EPHA6: variants seen among roughly 807,000 people sequenced by gnomAD.
EPHA6 encodes ephrin type-A receptor 6.
Under a neutral mutation model 112.0 loss-of-function variants are expected in EPHA6, and 50 were observed. The ratio of observed to expected loss-of-function variants is 0.45; its 90% CI spans 0.36 to 0.56. EPHA6 has a LOEUF of 0.56. EPHA6 is among the 20% of genes least tolerant of loss of function. The pLI is 0.00. For synonymous variants in EPHA6, 529 were observed against 490.7 expected (o/e 1.08, Z -1.03); for missense variants, 1,280 against 1,417.4 (o/e 0.90, Z 1.56).
At chr3:96,926,781 C>A (rs185790526) in intron 2 of EPHA6, among the ~76,000 whole-genome samples, 15 of 152,316 alleles carry the variant, frequency 9.8e-5, no homozygotes, top group Non-Finnish European at 2.1e-4. Context: ...CTTGGCTTTG[C>A]AGGGTACAGC....
At chr3:97,375,382 A>G (rs976488978) in intron 5 of EPHA6, among the ~76,000 whole-genome samples, 2 of 152,180 alleles carry the variant, frequency 1.3e-5, no homozygotes, top group Non-Finnish European at 2.9e-5. Flanking sequence ...AAACTCTGTA[A>G]CTAAATGGTA....
intron 3 of EPHA6, among the ~76,000 whole-genome samples, chr3:97,068,107 T>C (rs2046233253): frequency 7.1e-6 from 1 of 140,048 alleles, no homozygotes; most frequent in Admixed American, 7.7e-5. Context: ...GTGAGCAGAG[T>C]TCATGACACT....
intron 14 of EPHA6, among the ~76,000 whole-genome samples, chr3:97,685,169 A>G (rs2032155481): frequency 6.6e-6 from 1 of 152,210 alleles, no homozygotes; most frequent in South Asian, 2.1e-4. Context: ...CTAGACTACT[A>G]TTAATAAACC....
intron 5 of EPHA6, among the ~76,000 whole-genome samples, chr3:97,364,076 A>C (rs184255449): frequency 6.6e-6 from 1 of 152,200 alleles, no homozygotes; most frequent in Non-Finnish European, 1.5e-5. Flanking sequence ...TTCTGGAGAT[A>C]GATAACAGTG....
intron 7 of EPHA6, among the ~76,000 whole-genome samples, chr3:97,471,678 G>A (rs775063040): frequency 3.3e-5 from 5 of 151,512 alleles, no homozygotes; most frequent in Admixed American, 2.0e-4. Flanking sequence ...CTACACTGAT[G>A]GTAAATCTTC....
At chr3:97,525,119 C>T (rs995878010) in intron 10 of EPHA6, among the ~76,000 whole-genome samples, 5 of 152,094 alleles carry the variant, frequency 3.3e-5, no homozygotes, top group African/African-American at 1.2e-4. Context: ...TGGATACTCT[C>T]ATAAATTTTA....
intron 14 of EPHA6, among the ~76,000 whole-genome samples, chr3:97,683,225 T>C (rs1191989869): frequency 2.0e-5 from 3 of 152,172 alleles, no homozygotes; most frequent in Non-Finnish European, 4.4e-5. Context: ...CTCCTGTGAA[T>C]ATGTATAATT....
At chr3:97,493,623 CTG>C (rs373276812) in intron 10 of EPHA6, among the ~76,000 whole-genome samples, 17 of 146,966 alleles carry the variant, frequency 1.2e-4, no homozygotes, top group Non-Finnish European at 1.7e-4. Context: ...ATTTAGTCCT[CTG>C]TGTGTGTGTG....
At position 97,354,456 on chromosome 3, in the gene EPHA6, A is replaced by G. The variant is rs188935546; in HGVS notation, c.1607-50694A>G. On this transcript the variant is annotated intron_variant, in intron 5 of 17. Coordinates refer to ENST00000389672, the MANE Select transcript of EPHA6 (RefSeq NM_001080448.3). ...AAAATGGAAATTCTGAAGCTGAAAA[A>G]TACAATTGACATACAAAGAATGCAT... is the stretch of plus-strand genomic sequence containing the variant. 2.1e-3 allele frequency among the ~76,000 whole-genome samples: 325 copies of G among 152,236 alleles called. 1 individual carries two copies. Among genetic ancestry groups the G allele is most frequent in the African/African-American group, 6.9e-3 (288 of 41,550 alleles).
chr3:97,710,212 C>T (rs2033895820), intron 14 of EPHA6, among the ~76,000 whole-genome samples: 1 of 152,268 alleles, frequency 6.6e-6, no homozygotes, highest in African/African-American at 2.4e-5. Context: ...ATGACTGTGC[C>T]CTCTTTCCTA....
At chr3:96,852,232 G>A (rs747268582) in intron 1 of EPHA6, among the ~76,000 whole-genome samples, 3 of 152,030 alleles carry the variant, frequency 2.0e-5, no homozygotes, top group African/African-American at 4.8e-5. Flanking sequence ...AGTGGCTCAT[G>A]TCTATATTCC....
chr3:97,444,291 T>A (rs1377139139), intron 6 of EPHA6, among the ~76,000 whole-genome samples: 3 of 152,084 alleles, frequency 2.0e-5, no homozygotes, highest in Non-Finnish European at 4.4e-5. Context: ...CCAAAGACTT[T>A]AGGAGAAAGC....
intron 10 of EPHA6, among the ~76,000 whole-genome samples, chr3:97,512,258 G>T (rs2092378474): frequency 6.6e-6 from 1 of 151,800 alleles, no homozygotes; most frequent in South Asian, 2.1e-4. Flanking sequence ...ATTTACAGAG[G>T]TATTAGTAAT....
At position 96,913,343 on chromosome 3, in the gene EPHA6, T is replaced by C. The variant is rs999314511; in HGVS notation, c.450+46454T>C. Among the ~76,000 whole-genome samples, 3 of 151,568 alleles carry C rather than the reference T, an allele frequency of 2.0e-5. No individual in the cohort carries two copies. The South Asian group carries it at 6.3e-4, about 32-fold the overall frequency. ...TATGATTGTGCCACTGTACTCCAGCTTGGGTGACAGAGTGAGACCCTCTCT... is the reference window on the plus strand; with the variant it reads ...TATGATTGTGCCACTGTACTCCAGCCTGGGTGACAGAGTGAGACCCTCTCT... On this transcript the variant is annotated intron_variant, in intron 2 of 17. Transcript: ENST00000389672.
chr3:97,635,957 G>C (rs1239382478), intron 13 of EPHA6, among the ~76,000 whole-genome samples: 1 of 151,856 alleles, frequency 6.6e-6, no homozygotes, highest in Non-Finnish European at 1.5e-5. Flanking sequence ...AGAAAAGTGA[G>C]AAGGGAATTT....
chr3:96,868,509 C>A (rs567613164), intron 2 of EPHA6, among the ~76,000 whole-genome samples: 1 of 151,690 alleles, frequency 6.6e-6, no homozygotes, highest in Admixed American at 6.6e-5. Flanking sequence ...GCATTTATAT[C>A]GAAACATTAA....
intron 3 of EPHA6, among the ~76,000 whole-genome samples, chr3:97,181,062 AT>A (rs1179820073): frequency 6.6e-6 from 1 of 151,918 alleles, no homozygotes; most frequent in African/African-American, 2.4e-5. Context: ...GGGATCTTCG[AT>A]TTCCCTCTGG....
intron 5 of EPHA6, among the ~76,000 whole-genome samples, chr3:97,306,504 C>T (rs1243693133): frequency 1.3e-5 from 2 of 151,708 alleles, no homozygotes; most frequent in African/African-American, 4.8e-5. Context: ...GTCTCTAACA[C>T]ACCCTGTTCT....
intron 3 of EPHA6, among the ~76,000 whole-genome samples, chr3:97,044,043 A>G (rs1044901194): frequency 2.0e-5 from 3 of 152,226 alleles, no homozygotes; most frequent in South Asian, 2.1e-4. Context: ...CTTTCAGCCA[A>G]TGGATGATCT....
Sources: allele counts gnomAD v4.1 joint callset (sites outside exome capture counted in the v4.1 genomes callset), GRCh38; gene constraint gnomAD v4.1.1; transcripts MANE v1.5; gene names NCBI Gene and HGNC (gene_info 2026-07-23, HGNC 2026-07-21).